DOCK9: variants seen among roughly 807,000 people sequenced by gnomAD.
The protein encoded by DOCK9 is dedicator of cytokinesis 9, also known as dedicator of cytokinesis protein 9.
A neutral mutation model predicts 263.3 loss-of-function variants in DOCK9; 89 were observed. The observed-to-expected ratio is 0.34, with a 90% CI of 0.28 to 0.40. The LOEUF (loss-of-function observed/expected upper bound fraction) is 0.40, where lower values mean the gene tolerates loss of function less well. Ranked by LOEUF, DOCK9 falls within the 10% of genes least tolerant of loss-of-function variation. The pLI, the probability that DOCK9 is intolerant of heterozygous loss-of-function variation, is 1.00. For synonymous variants in DOCK9, 976 were observed against 973.1 expected (o/e 1.00, Z -0.06); for missense variants, 2,140 against 2,603.4 (o/e 0.82, Z 3.87).
intron 2 of DOCK9, among the ~76,000 whole-genome samples, chr13:98,944,998 G>A (rs544012298): frequency 7.9e-5 from 12 of 152,170 alleles, no homozygotes; most frequent in Non-Finnish European, 1.6e-4. Context: ...CTTGAAGTTT[G>A]GTGAGCTAAG....
chr13:99,015,421 T>G, intron 1 of DOCK9: 1 of 1,549,098 alleles, frequency 6.5e-7, no homozygotes, highest in Non-Finnish European at 8.7e-7. Flanking sequence ...TTAAACTACT[T>G]GTTAATTAAG....
At chr13:98,909,395 T>C (rs990950080) in intron 9 of DOCK9, among the ~76,000 whole-genome samples, 1 of 152,182 alleles carries the variant, frequency 6.6e-6, no homozygotes, top group African/African-American at 2.4e-5. Context: ...TTAAATTTAT[T>C]TGCGAGTAGA....
intron 1 of DOCK9, among the ~76,000 whole-genome samples, chr13:99,079,078 T>C (rs1806668688): frequency 6.6e-6 from 1 of 152,226 alleles, no homozygotes; most frequent in Non-Finnish European, 1.5e-5. Context: ...CTCATTCTTA[T>C]CAAACCTACA....
chr13:99,013,057 A>G (rs1041612452), intron 1 of DOCK9, among the ~76,000 whole-genome samples: 5 of 152,146 alleles, frequency 3.3e-5, no homozygotes, highest in African/African-American at 4.8e-5. Flanking sequence ...AGCTGTTAGG[A>G]GAAGAGCAGT....
intron 1 of DOCK9, among the ~76,000 whole-genome samples, chr13:99,046,532 T>C (rs2040442519): frequency 6.6e-6 from 1 of 152,172 alleles, no homozygotes; most frequent in Admixed American, 6.5e-5. Context: ...GTGGGACTTG[T>C]CTCGACAGTA....
At chr13:98,840,713 G>A (rs2093178705) in intron 38 of DOCK9, among the ~76,000 whole-genome samples, 1 of 152,162 alleles carries the variant, frequency 6.6e-6, no homozygotes, top group African/African-American at 2.4e-5. Context: ...GAATACCAGA[G>A]GACATTTGGG....
chr13:98,822,218 T>C (rs1009120245), intron 45 of DOCK9, among the ~76,000 whole-genome samples: 1 of 152,202 alleles, frequency 6.6e-6, no homozygotes, highest in Non-Finnish European at 1.5e-5. Flanking sequence ...CTTCTGAAAA[T>C]AGCTGATAAA....
intron 1 of DOCK9, among the ~76,000 whole-genome samples, chr13:99,051,165 G>C (rs551444156): frequency 6.6e-5 from 10 of 152,358 alleles, no homozygotes; most frequent in Non-Finnish European, 1.3e-4. Context: ...GGGAAGGGGA[G>C]GTAATAGTGG....
In DOCK9 at chr13:98,804,501, T is replaced by C. The variant is rs111422371; in HGVS notation, c.5725+498A>G. ...AGTGAGCTTCCTGGCAGAGGAGGCA[T>C]TCAAGTGGCAGCTGGCCAGCCCCCG... On this transcript the variant is annotated intron_variant, in intron 49 of 52. Coordinates refer to ENST00000682017, the MANE Select transcript of DOCK9 (RefSeq NM_001366683.2). 9.2e-3 allele frequency among the ~76,000 whole-genome samples: 1,398 copies of C among 152,276 alleles called. 12 individuals are homozygous for C. Among genetic ancestry groups the C allele is most frequent in the Middle Eastern group, 0.027 (8 of 294 alleles).
chr13:98,796,200 C>T, intron 52 of DOCK9: 1 of 1,582,132 alleles, frequency 6.3e-7, no homozygotes, highest in Non-Finnish European at 8.6e-7. Context: ...TTAAAAATGA[C>T]ATTACCATCC....
At chr13:99,081,691 T>A (rs1007699015) in intron 1 of DOCK9, among the ~76,000 whole-genome samples, 29 of 152,222 alleles carry the variant, frequency 1.9e-4, no homozygotes, top group African/African-American at 7.0e-4. Context: ...CCATCTTTAA[T>A]ACATCTGAAA....
intron 9 of DOCK9, among the ~76,000 whole-genome samples, chr13:98,905,273 A>G (rs2048910542): frequency 3.9e-5 from 6 of 152,366 alleles, no homozygotes; most frequent in Middle Eastern, 3.4e-3. Context: ...AGCACCTCTT[A>G]TGAGCCAGGC....
intron 39 of DOCK9, chr13:98,833,188 T>C (rs1368722845): frequency 2.2e-5 from 3 of 139,108 alleles, no homozygotes; most frequent in Non-Finnish European, 3.0e-5. Context: ...TTCTCAACCA[T>C]GATCTAATTC....
intron 1 of DOCK9, chr13:99,015,810 TA>T (rs1885318350): frequency 7.8e-7 from 1 of 1,277,968 alleles, no homozygotes; most frequent in South Asian, 2.8e-5. Context: ...ACTCCGAGTG[TA>T]AAACAGGAGG....
chr13:98,863,055 C>G lies in DOCK9; in HGVS notation c.3543G>C (p.Val1181=). ...LLIENVQRIN[V]RDVSPFPVNA... ...TCACAGGGAAGGGTGACACATCCCT[C>G]ACATTGATCCGCTGGACGTTTTCAA... The change falls in exon 32 of 53, where the codon GTG becomes GTC. Residue 1181 remains valine, a synonymous_variant. Coordinates refer to ENST00000682017, the MANE Select transcript of DOCK9 (RefSeq NM_001366683.2). 5 of 1,611,230 alleles carry G rather than the reference C, an allele frequency of 3.1e-6. No homozygotes were observed. Among genetic ancestry groups the G allele is most frequent in the Non-Finnish European group, 4.2e-6 (5 of 1,178,846 alleles).
intron 7 of DOCK9, 125 bp downstream of exon 7, chr13:98,920,829 G>C: frequency 1.1e-6 from 1 of 933,676 alleles, no homozygotes; most frequent in Non-Finnish European, 1.5e-6. Flanking sequence ...CTCATTTAAA[G>C]TTATATGTTA....
At chr13:98,885,536 T>TAAAAA in intron 20 of DOCK9, 172 bp downstream of exon 20, 6 of 478,244 alleles carry the variant, frequency 1.3e-5, no homozygotes, top group East Asian at 8.5e-5. Flanking sequence ...GCTCAAAAAT[T>TAAAAA]AAAAAAAAAA....
intron 49 of DOCK9, among the ~76,000 whole-genome samples, chr13:98,803,879 T>C (rs1041993006): frequency 6.6e-6 from 1 of 152,126 alleles, no homozygotes; most frequent in Admixed American, 6.5e-5. Flanking sequence ...TTTTCCCTCA[T>C]AGGGAGTGTG....
intron 1 of DOCK9, among the ~76,000 whole-genome samples, chr13:99,074,010 TCTCAA>T (rs1292064845): frequency 3.3e-5 from 5 of 152,368 alleles, no homozygotes; most frequent in Non-Finnish European, 5.9e-5. Flanking sequence ...CTTCACCTTT[TCTCAA>T]CTCATCGGTC....
Sources: gnomAD v4.1 joint callset for allele counts (sites outside exome capture counted in the v4.1 genomes callset) on GRCh38, gnomAD v4.1.1 for gene constraint, MANE v1.5 for transcripts, NCBI Gene and HGNC (gene_info 2026-07-23, HGNC 2026-07-21) for gene names.